The following DPEP2 variants were observed in gnomAD, a reference collection of about 807,000 sequenced individuals.
The protein encoded by DPEP2 is dipeptidase 2.
In DPEP2, 45 loss-of-function variants were observed where a neutral mutation model predicts 51.8. The ratio of observed to expected loss-of-function variants is 0.87; its 90% CI spans 0.68 to 1.11. DPEP2 has a LOEUF of 1.11. Among genes scored for constraint, DPEP2 ranks in the 50% most tolerant of loss-of-function variants. DPEP2 has a pLI of 0.00. For synonymous variants in DPEP2, 255 were observed against 262.7 expected (o/e 0.97, Z 0.28); for missense variants, 604 against 631.9 (o/e 0.96, Z 0.47).
In DPEP2 at chr16:67,991,318, CCAT is replaced by C; in HGVS notation, c.663-137_663-135del. On this transcript the variant is annotated intron_variant, in intron 5 of 10. Transcript: ENST00000393847. The surrounding 1 kb of genome is among the most constrained non-coding windows in gnomAD (Gnocchi z 5.1). ...ATCCAAAATGGGCCCTGCAAATGGG[CCAT>C]GCCTGGCAGCAGGAGGGCCCTGCTG... 1.3e-6 allele frequency: 1 copy of C among 796,646 alleles called. No individual in the cohort carries two copies. The highest frequency in any genetic ancestry group is 2.0e-6 in the Non-Finnish European group (1 of 500,540). The allele number at this position is 796,646 out of a possible 1,614,324, so 49.3% of individuals were successfully genotyped here. A position where few individuals can be genotyped will look rare whatever the true frequency, so the allele number is the denominator to read the frequency against.
intron 9 of DPEP2, among the ~76,000 whole-genome samples, chr16:67,988,946 GGAGGAGACAAAGAAGAAGGAGGAC>G (rs1387891543): frequency 3.3e-5 from 5 of 151,914 alleles, no homozygotes; most frequent in Non-Finnish European, 5.9e-5. Flanking sequence ...AGAAGGAGGA[GGAGGAGACAAAGAAGAAGGAGGAC>G]GAGGAAGAAA....
intron 2 of DPEP2, 93 bp from the exon 3 acceptor site, chr16:67,992,729 C>A: frequency 6.5e-7 from 1 of 1,547,106 alleles, no homozygotes. Context: ...GGATCCCCAT[C>A]CCTCATTGTC....
intron 3 of DPEP2, 95 bp from the exon 4 acceptor site, chr16:67,992,288 C>G: frequency 6.6e-7 from 1 of 1,514,950 alleles, no homozygotes; most frequent in South Asian, 1.2e-5. Context: ...ACCCAGTGGG[C>G]CAGGAGGCCA....
Position 67,990,934 on chromosome 16 carries a change from C to T in DPEP2, c.796G>A (p.Val266Met). Residue 266 changes from valine (V) to methionine (M), a missense_variant, in exon 7 of 11, where the codon GTG becomes ATG. Coordinates refer to ENST00000393847, the MANE Select transcript of DPEP2 (RefSeq NM_022355.4). ...GACACTTCCAGGGCCCGCCGTGCCA[C>T]AGCATCTGAGACATGGGATAAGTCT... The part of the protein sequence containing the change: ...MVDLSHVSDA[V>M]ARRALEVSQA... 6.2e-7 allele frequency: 1 copy of T among 1,614,260 alleles called. No individual in the cohort carries two copies. Among genetic ancestry groups the T allele is most frequent in the Non-Finnish European group, 8.5e-7 (1 of 1,180,058 alleles).
intron 9 of DPEP2, 26 bp from the exon 10 acceptor site, chr16:67,988,013 TC>T (rs763202757): frequency 5.6e-6 from 9 of 1,613,964 alleles, no homozygotes; most frequent in South Asian, 3.3e-5. Context: ...CTAGTGGGTT[TC>T]AGACCTGATT....
Position 67,993,071 on chromosome 16 carries a change from C to CGCCCAGCGTGGTGAGGGCTCTGGGGGG in DPEP2, c.115_141dup (p.Pro39_Gly47dup). On this transcript the variant is annotated inframe_insertion, in exon 2 of 11. Coordinates refer to ENST00000393847, the MANE Select transcript of DPEP2 (RefSeq NM_022355.4). ...CCCGGCATGGTGTGGGCTCTGGGGG[C>CGCCCAGCGTGGTGAGGGCTCTGGGGGG]GCCCAGCGTGGTGAGGGCTCTGGGG... is the stretch of plus-strand genomic sequence containing the variant. The CGCCCAGCGTGGTGAGGGCTCTGGGGGG allele has an allele frequency of 6.4e-7, 1 of 1,573,778 alleles. No homozygotes were observed. The highest frequency in any genetic ancestry group is 1.2e-5 in the South Asian group (1 of 86,484).
chr16:67,999,116 A>C (rs1037911869), intron 1 of DPEP2, among the ~76,000 whole-genome samples: 1 of 152,234 alleles, frequency 6.6e-6, no homozygotes, highest in Admixed American at 6.5e-5. Flanking sequence ...AAATCTTGCT[A>C]CTGTTCACTC....
chr16:67,997,952 T>G (rs1352900022), intron 1 of DPEP2, among the ~76,000 whole-genome samples: 1 of 152,196 alleles, frequency 6.6e-6, no homozygotes, highest in Non-Finnish European at 1.5e-5. Flanking sequence ...ACTGCCAGCA[T>G]CTAGCTAACT....
chr16:67,991,077 A>G lies in DPEP2; in HGVS notation c.732+38T>C. The stretch of plus-strand genomic sequence containing the variant: ...TTTGTAAGAAACAGCTGGGGTGTGC[A>G]CATTTGTTTGGGGTGGAGTGTGAAC... On this transcript the variant is annotated intron_variant, in intron 6 of 10. Coordinates refer to ENST00000393847, the MANE Select transcript of DPEP2 (RefSeq NM_022355.4). The surrounding 1 kb of genome is among the most constrained non-coding windows in gnomAD (Gnocchi z 5.1). 2 of 1,614,152 alleles carry G rather than the reference A, an allele frequency of 1.2e-6. No homozygotes were observed. The highest frequency in any genetic ancestry group is 1.7e-6 in the Non-Finnish European group (2 of 1,179,962).
At chr16:67,998,146 CT>C (rs1445563874) in intron 1 of DPEP2, among the ~76,000 whole-genome samples, 4 of 152,222 alleles carry the variant, frequency 2.6e-5, no homozygotes, top group African/African-American at 9.6e-5. Flanking sequence ...CACCGCTGCA[CT>C]GTAGGAGCCC....
At chr16:67,993,544 G>A (rs2032456354) in intron 1 of DPEP2, 2 of 1,072,620 alleles carry the variant, frequency 1.9e-6, no homozygotes, top group Non-Finnish European at 2.3e-6. Flanking sequence ...ACTGTCCCCA[G>A]GGGGCCGACC....
intron 1 of DPEP2, chr16:67,993,816 T>C: frequency 3.0e-6 from 3 of 985,640 alleles, no homozygotes; most frequent in African/African-American, 3.5e-5. Flanking sequence ...GGGTTAACCC[T>C]GTGGACTGGA....
At chr16:67,992,778 A>T in intron 2 of DPEP2, 142 bp from the exon 3 acceptor site, 1 of 1,492,340 alleles carries the variant, frequency 6.7e-7, no homozygotes, top group Non-Finnish European at 9.0e-7. Context: ...CCGGGCTAGG[A>T]GTGCCCACCC....
Position 67,992,046 on chromosome 16 carries a change from T to C in DPEP2, c.520+18A>G. ...GTAGCTCAATCAAGTTCCTAACGCTTCCCATCAACTTGCCTACCTTTAGCC... is the reference window on the plus strand; with the variant it reads ...GTAGCTCAATCAAGTTCCTAACGCTCCCCATCAACTTGCCTACCTTTAGCC... On this transcript the variant is annotated intron_variant, in intron 4 of 10. Transcript: ENST00000393847. The C allele has an allele frequency of 6.2e-7, 1 of 1,614,068 alleles. No individual in the cohort carries two copies. The highest frequency in any genetic ancestry group is 8.5e-7 in the Non-Finnish European group (1 of 1,179,972).
At chr16:67,994,737 C>G (rs2032576848) in intron 1 of DPEP2, 1 of 982,424 alleles carries the variant, frequency 1.0e-6, no homozygotes, top group Non-Finnish European at 1.2e-6. Context: ...TCCAAAGGGA[C>G]TGGAGGTCCC....
chr16:67,999,982 C>A (rs186386745), upstream of DPEP2, among the ~76,000 whole-genome samples: 1 of 152,104 alleles, frequency 6.6e-6, no homozygotes, highest in Non-Finnish European at 1.5e-5. Flanking sequence ...AGAAATCTAC[C>A]GAATTTCTTT....
chr16:67,992,440 T>A, intron 3 of DPEP2, 70 bp downstream of exon 3: 1 of 1,552,956 alleles, frequency 6.4e-7, no homozygotes. Context: ...ACTTGTGATC[T>A]CTGGGGTCCC....
intron 1 of DPEP2, among the ~76,000 whole-genome samples, chr16:67,997,144 T>C (rs1043391559): frequency 7.3e-5 from 11 of 151,132 alleles, no homozygotes; most frequent in African/African-American, 2.7e-4. Context: ...GTGATTCTCC[T>C]GCCTCAGCCT....
Position 67,991,338 on chromosome 16 carries a change from G to A in DPEP2, c.663-154C>T, listed in dbSNP as rs536254050. On this transcript the variant is annotated intron_variant, in intron 5 of 10. Coordinates refer to ENST00000393847, the MANE Select transcript of DPEP2 (RefSeq NM_022355.4). This position sits in a 1 kb window ranked among gnomAD's most constrained non-coding sequence, Gnocchi z 5.1. ...ATGGGCCATGCCTGGCAGCAGGAGG[G>A]CCCTGCTGGGTCCAGTCTTTTTTTT... Among the ~76,000 whole-genome samples, 7 of 151,528 alleles carry A rather than the reference G, an allele frequency of 4.6e-5. No individual in the cohort carries two copies. In the South Asian group the frequency reaches 1.3e-3, roughly 27 times the overall value.
Sources: gnomAD v4.1 joint callset for allele counts (sites outside exome capture counted in the v4.1 genomes callset) on GRCh38, gnomAD v4.1.1 for gene constraint, Gnocchi (gnomAD v3.1) non-coding constraint, MANE v1.5 for transcripts, NCBI Gene and HGNC (gene_info 2026-07-23, HGNC 2026-07-21) for gene names.